CYP2J2: variants seen among roughly 807,000 people sequenced by gnomAD.
The protein encoded by CYP2J2 is cytochrome P450 2J2.
In CYP2J2, 41 loss-of-function variants were observed where a neutral mutation model predicts 48.8. The ratio of observed to expected loss-of-function variants is 0.84; its 90% CI spans 0.66 to 1.09. The LOEUF is 1.09. Ranked by LOEUF, CYP2J2 falls within the 50% of genes least tolerant of loss-of-function variation. The pLI, the probability that CYP2J2 is intolerant of heterozygous loss-of-function variation, is 0.00. For synonymous variants in CYP2J2, 221 were observed against 227.1 expected (o/e 0.97, Z 0.24); for missense variants, 644 against 617.3 (o/e 1.04, Z -0.46).
At chr1:59,905,982 C>T (rs1038112824) in intron 6 of CYP2J2, among the ~76,000 whole-genome samples, 7 of 152,218 alleles carry the variant, frequency 4.6e-5, no homozygotes, top group South Asian at 2.1e-4. Context: ...GTCAGGAGAT[C>T]GAGACCATCC....
At chr1:59,943,012 G>A in the CYP2J2 span, among the ~76,000 whole-genome samples, 1 of 152,070 alleles carries the variant, frequency 6.6e-6, no homozygotes, top group Admixed American at 6.5e-5. Flanking sequence ...TTGGGTGGTG[G>A]TGCTATTTGT....
intron 1 of CYP2J2, 44 bp from the exon 2 acceptor site, chr1:59,916,144 A>G (rs759753992): frequency 1.9e-6 from 3 of 1,543,258 alleles, no homozygotes; most frequent in Non-Finnish European, 2.7e-6. Flanking sequence ...GCACATGTCC[A>G]TGTGTTCAGA....
At chr1:59,942,068 CT>C in the CYP2J2 span, among the ~76,000 whole-genome samples, 4 of 152,062 alleles carry the variant, frequency 2.6e-5, no homozygotes, top group African/African-American at 7.2e-5. Flanking sequence ...ACAGGGGTAC[CT>C]TTTTTTATTT....
chr1:59,954,305 G>A, the CYP2J2 span, among the ~76,000 whole-genome samples: 1 of 152,136 alleles, frequency 6.6e-6, no homozygotes, highest in Non-Finnish European at 1.5e-5. Flanking sequence ...CATTTAACTT[G>A]TTTTACATGT....
At chr1:59,920,063 A>G (rs1417125857) in intron 1 of CYP2J2, among the ~76,000 whole-genome samples, 1 of 152,096 alleles carries the variant, frequency 6.6e-6, no homozygotes, top group African/African-American at 2.4e-5. Flanking sequence ...GAGGGACATA[A>G]AGCTATCGCA....
At chr1:59,908,117 G>A (rs1012467827) in intron 5 of CYP2J2, among the ~76,000 whole-genome samples, 190 bp from the exon 6 acceptor site, 2 of 152,156 alleles carry the variant, frequency 1.3e-5, no homozygotes, top group African/African-American at 4.8e-5. Flanking sequence ...CCTGCCCCAA[G>A]TGCTGGACAC....
chr1:59,958,297 C>T, the CYP2J2 span, among the ~76,000 whole-genome samples: 1 of 152,164 alleles, frequency 6.6e-6, no homozygotes, highest in Non-Finnish European at 1.5e-5. Context: ...TGCCCCAATC[C>T]TTCCACTGTG....
chr1:59,923,513 A>T (rs938449364), intron 1 of CYP2J2, among the ~76,000 whole-genome samples: 7 of 152,252 alleles, frequency 4.6e-5, no homozygotes, highest in Non-Finnish European at 8.8e-5. Flanking sequence ...GAATAATTAA[A>T]TATTTAAAAG....
At chr1:59,920,405 A>T (rs1165875275) in intron 1 of CYP2J2, among the ~76,000 whole-genome samples, 2 of 152,032 alleles carry the variant, frequency 1.3e-5, no homozygotes, top group Admixed American at 1.3e-4. Context: ...GAGTGCAACA[A>T]GTCCTTCACT....
chr1:59,945,227 A>AT, the CYP2J2 span, among the ~76,000 whole-genome samples: 2 of 151,954 alleles, frequency 1.3e-5, no homozygotes, highest in African/African-American at 2.4e-5. Flanking sequence ...TTGTGGTTTA[A>AT]TTTTTGCTGT....
At chr1:59,946,010 A>T in the CYP2J2 span, among the ~76,000 whole-genome samples, 1 of 152,174 alleles carries the variant, frequency 6.6e-6, no homozygotes, top group Non-Finnish European at 1.5e-5. Context: ...TCCTGCTTTT[A>T]TGGCTGCCCT....
chr1:59,922,161 T>C (rs1480033197), intron 1 of CYP2J2, among the ~76,000 whole-genome samples: 1 of 152,222 alleles, frequency 6.6e-6, no homozygotes, highest in Admixed American at 6.5e-5. Flanking sequence ...CCTGTTGCAC[T>C]GCAGGCTGCT....
the CYP2J2 span, among the ~76,000 whole-genome samples, chr1:59,946,632 A>C: frequency 6.6e-6 from 1 of 152,302 alleles, no homozygotes; most frequent in South Asian, 2.1e-4. Flanking sequence ...GAGACACAAA[A>C]TGTAAGGGAA....
intron 8 of CYP2J2, among the ~76,000 whole-genome samples, chr1:59,894,534 G>T (rs561568713): frequency 5.3e-5 from 8 of 152,170 alleles, no homozygotes; most frequent in Non-Finnish European, 1.0e-4. Flanking sequence ...AGGCAGAAGG[G>T]CAGAGATTCA....
the CYP2J2 span, among the ~76,000 whole-genome samples, chr1:59,959,739 A>G: frequency 6.6e-6 from 1 of 152,170 alleles, no homozygotes; most frequent in African/African-American, 2.4e-5. Context: ...AAATAATGGC[A>G]TTCACAGCAA....
At chr1:59,919,931 G>A (rs893348836) in intron 1 of CYP2J2, among the ~76,000 whole-genome samples, 5 of 152,070 alleles carry the variant, frequency 3.3e-5, no homozygotes, top group African/African-American at 1.2e-4. Flanking sequence ...ATACATGGAG[G>A]TAATACAAAG....
At chr1:59,931,350 T>C (rs189783465), upstream of CYP2J2, among the ~76,000 whole-genome samples, 66 of 152,266 alleles carry the variant, frequency 4.3e-4, no homozygotes, top group African/African-American at 1.4e-3. Flanking sequence ...GGACCCCATA[T>C]TATCATTAGT....
chr1:59,928,981 T>C (rs1644590682), upstream of CYP2J2, among the ~76,000 whole-genome samples: 2 of 152,224 alleles, frequency 1.3e-5, no homozygotes, highest in African/African-American at 2.4e-5. Context: ...TTTAATTGCA[T>C]CAAATTTTGA....
At chr1:59,943,322 C>T in the CYP2J2 span, among the ~76,000 whole-genome samples, 1 of 152,022 alleles carries the variant, frequency 6.6e-6, no homozygotes, top group South Asian at 2.1e-4. Flanking sequence ...AAAGACCAGC[C>T]GAATGGAGAA....
Sources: gnomAD v4.1 joint callset for allele counts (sites outside exome capture counted in the v4.1 genomes callset) on GRCh38, gnomAD v4.1.1 for gene constraint, MANE v1.5 for transcripts, NCBI Gene and HGNC (gene_info 2026-07-23, HGNC 2026-07-21) for gene names.